The following SAFB variants were observed in gnomAD, a reference collection of about 807,000 sequenced individuals.
SAFB encodes scaffold attachment factor B, also known as scaffold attachment factor B1.
A neutral mutation model predicts 101.6 loss-of-function variants in SAFB; 15 were observed. The ratio of observed to expected loss-of-function variants is 0.15; its 90% confidence interval spans 0.10 to 0.23. The LOEUF (loss-of-function observed/expected upper bound fraction) is 0.23. Among genes scored for constraint, SAFB ranks in the 10% least tolerant of loss-of-function variants. The pLI is 1.00. For missense variants in SAFB, 930 were observed against 1,104.1 expected (o/e 0.84, Z 2.23); for synonymous variants, 449 against 407.5 (o/e 1.10, Z -1.23).
chr19:5,635,386 A>C (rs946533196), intron 2 of SAFB, among the ~76,000 whole-genome samples: 1 of 152,056 alleles, frequency 6.6e-6, no homozygotes, highest in African/African-American at 2.4e-5. Context: ...ATCTCATCAC[A>C]AGCTTATTTC....
Position 5,667,309 on chromosome 19 carries a change from A to T in SAFB, c.2454-38A>T. 2 of 1,419,168 alleles carry T rather than the reference A, an allele frequency of 1.4e-6. No individual in the cohort carries two copies. Among genetic ancestry groups the T allele is most frequent in the Non-Finnish European group, 1.9e-6 (2 of 1,063,146 alleles). 87.9% of individuals were successfully genotyped at this position (1,419,168 alleles called of 1,614,324 possible). On this transcript the variant is annotated intron_variant, in intron 18 of 20. Coordinates refer to ENST00000588852, the MANE Select transcript of SAFB (RefSeq NM_001201338.2). This position sits in a 1 kb window ranked among gnomAD's most constrained non-coding sequence, Gnocchi z 4.0. ...ACAGTTATTAGCACAAGAGCCAGAG[A>T]TGGGGGCAATCCAAATCAGAGATGT...
intron 5 of SAFB, 31 bp downstream of exon 5, chr19:5,645,430 A>G: frequency 9.4e-7 from 1 of 1,067,558 alleles, no homozygotes; most frequent in Middle Eastern, 2.0e-4. Flanking sequence ...GTACTTTTAG[A>G]ATGAAAGGTC....
intron 8 of SAFB, among the ~76,000 whole-genome samples, chr19:5,650,735 A>G (rs1448414361): frequency 6.6e-6 from 1 of 151,938 alleles, no homozygotes; most frequent in Non-Finnish European, 1.5e-5. Flanking sequence ...TTCTTAGGAA[A>G]CCTCACATTG....
chr19:5,664,426 A>T lies in SAFB; in HGVS notation c.2321A>T (p.Glu774Val), dbSNP rs2054284641. The change falls in exon 17 of 21, where the codon GAA (glutamate) becomes GTA (valine). Residue 774 changes from glutamate (E) to valine (V), a missense_variant. Glu to Val is a moderately radical substitution (Grantham distance 121). Transcript: ENST00000588852. ...GAAGGTTCAAGGTCAATGATGGGAG[A>T]ACGAGAAGGACAGGTAAGTCTGAAG... Reference protein sequence around the residue: ...RREGSRSMMGEREGQHYPERH... With the variant: ...RREGSRSMMGVREGQHYPERH... 6.2e-7 allele frequency: 1 copy of T among 1,613,298 alleles called. No individual in the cohort carries two copies. The highest frequency in any genetic ancestry group is 1.7e-5 in the Admixed American group (1 of 59,994).
At chr19:5,652,479 G>T (rs939505628) in intron 9 of SAFB, among the ~76,000 whole-genome samples, 4 of 152,198 alleles carry the variant, frequency 2.6e-5, no homozygotes, top group African/African-American at 9.6e-5. Flanking sequence ...ATTCCATGTG[G>T]CATGATGAGC....
At chr19:5,632,204 G>A (rs1599321502) in intron 2 of SAFB, among the ~76,000 whole-genome samples, 1 of 152,302 alleles carries the variant, frequency 6.6e-6, no homozygotes, top group African/African-American at 2.4e-5. Context: ...ATCCTTTGCT[G>A]CTGGCTTGTT....
chr19:5,655,781 C>T (rs2485257), intron 13 of SAFB, among the ~76,000 whole-genome samples: 10,922 of 152,116 alleles, frequency 0.072, 452 homozygotes, highest in Middle Eastern at 0.14. Flanking sequence ...CTTTGGAAAA[C>T]GGAAAAAGGA....
At chr19:5,657,634 C>T (rs531287913) in intron 14 of SAFB, among the ~76,000 whole-genome samples, 2 of 152,146 alleles carry the variant, frequency 1.3e-5, no homozygotes, top group South Asian at 4.1e-4. Context: ...AAGCAATTCT[C>T]CAGCCTCAGC....
At chr19:5,643,867 A>G (rs1288088479) in intron 4 of SAFB, among the ~76,000 whole-genome samples, 1 of 151,996 alleles carries the variant, frequency 6.6e-6, no homozygotes, top group Non-Finnish European at 1.5e-5. Flanking sequence ...TCAAAAAAAA[A>G]AAAAAAGAGT....
At chr19:5,628,834 A>C (rs2053425367) in intron 2 of SAFB, among the ~76,000 whole-genome samples, 1 of 152,224 alleles carries the variant, frequency 6.6e-6, no homozygotes, top group Non-Finnish European at 1.5e-5. Flanking sequence ...CAATGGAGAA[A>C]GAAATAATAA....
chr19:5,625,037 C>T (rs986684485), intron 1 of SAFB, among the ~76,000 whole-genome samples: 3 of 152,186 alleles, frequency 2.0e-5, no homozygotes, highest in Admixed American at 6.5e-5. Flanking sequence ...CCATCACTCG[C>T]TGTCATCTCT....
At chr19:5,664,543 T>C (rs576644743) in intron 17 of SAFB, 104 bp downstream of exon 17, 89 of 878,268 alleles carry the variant, frequency 1.0e-4, no homozygotes, top group South Asian at 1.0e-3. Context: ...AGAGGCAAAA[T>C]GAGGAAAGAG....
chr19:5,655,009 C>T lies in SAFB; in HGVS notation c.1755+553C>T, dbSNP rs1027556166. On this transcript the variant is annotated intron_variant, in intron 13 of 20. Transcript: ENST00000588852. The stretch of plus-strand genomic sequence containing the variant: ...CCCTGAGTCGGTGTGTGGCAGTCCA[C>T]GTTCCCTGTCTACCCTGAAAGTGTC... Among the ~76,000 whole-genome samples, 9 of 152,196 alleles carry T rather than the reference C, an allele frequency of 5.9e-5. No homozygotes were observed. In the East Asian group the frequency reaches 7.7e-4, roughly 13 times the overall value.
rs770745797 is a variant in SAFB, at chr19:5,641,902, G to A, written c.502G>A (p.Glu168Lys). Residue 168 changes from glutamate to lysine, a missense_variant, in exon 4 of 21, where the codon GAG (glutamate) becomes AAG (lysine). Around this residue, in one of 7 missense-constraint regions of SAFB, gnomAD observed 130 missense variants for 114.2 expected, o/e 1.14. Coordinates refer to ENST00000588852, the MANE Select transcript of SAFB (RefSeq NM_001201338.2). ...CCTGTCGGATAGTAGAGAGCTAGTC[G>A]AGGGGGAAATGAAAGAGCTTCCGGA... is the stretch of plus-strand genomic sequence containing the variant. ...ESLSDSRELVEGEMKELPEQL... is the reference protein window; with the variant it reads ...ESLSDSRELVKGEMKELPEQL... 5.4e-5 allele frequency: 87 copies of A among 1,614,050 alleles called. No homozygotes were observed. In the Admixed American group the frequency reaches 1.3e-3, roughly 24 times the overall value.
chr19:5,664,216 G>T, intron 16 of SAFB, 57 bp downstream of exon 16: 1 of 1,582,904 alleles, frequency 6.3e-7, no homozygotes, highest in Non-Finnish European at 8.6e-7. Flanking sequence ...CATTCTGACT[G>T]AGAACAAGGA....
rs1191844037 is a variant in SAFB at position 5,623,108 on chromosome 19, G to A, written c.-98G>A. The A allele has an allele frequency of 5.6e-6, 7 of 1,252,038 alleles. No individual in the cohort carries two copies. The highest frequency in any genetic ancestry group is 1.5e-5 in the African/African-American group (1 of 65,772). The allele number at this position is 1,252,038 out of a possible 1,614,324, so 77.6% of individuals were successfully genotyped here. On this transcript the variant is annotated 5_prime_UTR_variant, in exon 1 of 21. Coordinates refer to ENST00000588852, the MANE Select transcript of SAFB (RefSeq NM_001201338.2). Reference sequence around the variant, plus strand: ...AGAAGCGAGGCGCGCTGGGGCGACTGGAGCGGTTCCCTCGCAGGCGGCGCC... The same window carrying A: ...AGAAGCGAGGCGCGCTGGGGCGACTAGAGCGGTTCCCTCGCAGGCGGCGCC...
chr19:5,625,396 C>T (rs1400910911), intron 1 of SAFB, among the ~76,000 whole-genome samples: 1 of 152,186 alleles, frequency 6.6e-6, no homozygotes, highest in East Asian at 1.9e-4. Context: ...CCTTTTCTGG[C>T]TTCTGAGAGG....
intron 1 of SAFB, among the ~76,000 whole-genome samples, chr19:5,624,238 T>TC (rs1568241609): frequency 6.7e-6 from 1 of 149,912 alleles, no homozygotes; most frequent in African/African-American, 2.5e-5. Context: ...TTTTTTTTTT[T>TC]CTCCTGTAAG....
At chr19:5,657,419 T>C in intron 14 of SAFB, 72 bp downstream of exon 14, 1 of 1,042,608 alleles carries the variant, frequency 9.6e-7, no homozygotes. Flanking sequence ...GGAAGGATGT[T>C]TGCAGAGTTC....
Sources: gnomAD v4.1 joint callset for allele counts (sites outside exome capture counted in the v4.1 genomes callset) on GRCh38, gnomAD v4.1.1 for gene constraint, gnomAD v4.1.1 regional missense constraint, Gnocchi (gnomAD v3.1) non-coding constraint, MANE v1.5 for transcripts, NCBI Gene and HGNC (gene_info 2026-07-23, HGNC 2026-07-21) for gene names.